The following PNLDC1 variants were observed in gnomAD, a reference collection of about 807,000 sequenced individuals.
The protein encoded by PNLDC1 is poly(A)-specific ribonuclease PNLDC1.
PNLDC1 carries 70 observed loss-of-function variants against 82.0 expected under a neutral mutation model. The observed-to-expected ratio is 0.85, with a 90% CI of 0.70 to 1.04. PNLDC1 has a LOEUF of 1.04. Among genes scored for constraint, PNLDC1 ranks in the 50% least tolerant of loss-of-function variants. The pLI is 0.00. For missense variants in PNLDC1, 631 were observed against 661.1 expected (o/e 0.95, Z 0.50); for synonymous variants, 280 against 249.3 (o/e 1.12, Z -1.16).
chr6:159,808,711 C>G (rs769498816), intron 7 of PNLDC1, 29 bp from the exon 8 acceptor site: 4 of 1,600,530 alleles, frequency 2.5e-6, no homozygotes, highest in Non-Finnish European at 3.4e-6. Context: ...GTTCCAGGTG[C>G]TGTGTGCCCC....
At position 159,815,944 on chromosome 6, in the gene PNLDC1, T is replaced by G. The variant is rs7739963; in HGVS notation, c.996-25T>G. On this transcript the variant is annotated intron_variant, in intron 12 of 18. Transcript: ENST00000392167. ...GGGATTACTTTCAGCAAATTGTTTT[T>G]TATTCTATTTTTCTTTTCCAATAGT... 4 of 1,592,324 alleles carry G rather than the reference T, an allele frequency of 2.5e-6. No homozygotes were observed. In the Admixed American group the frequency reaches 6.7e-5, roughly 27 times the overall value.
rs1294591270 is a variant in PNLDC1 at position 159,816,175 on chromosome 6, TC to T, written c.1060+149del. The stretch of plus-strand genomic sequence containing the variant: ...TCCCCACCCCCCCACACCCCTCCCC[TC>T]CCCCCCACCTCTCCCCCTGCCCCGC... On this transcript the variant is annotated intron_variant, in intron 13 of 18. Transcript: ENST00000392167. 2.7e-3 allele frequency: 468 copies of T among 170,764 alleles called. 11 individuals carry two copies. The highest frequency in any genetic ancestry group is 0.024 in the Middle Eastern group (16 of 656). The allele number at this position is 170,764 out of a possible 1,614,324, so 10.6% of individuals were successfully genotyped here. A position where few individuals can be genotyped will look rare whatever the true frequency, so the allele number is the denominator to read the frequency against.
At chr6:159,816,630 C>CTTTTTTT in intron 14 of PNLDC1, 34 bp downstream of exon 14, 2 of 1,309,216 alleles carry the variant, frequency 1.5e-6, no homozygotes, top group Non-Finnish European at 1.1e-6. Flanking sequence ...AGGAAACTCA[C>CTTTTTTT]TTTTTTTTTT....
At chr6:159,800,123 TA>T (rs745744639), upstream of PNLDC1, 298 of 539,314 alleles carry the variant, frequency 5.5e-4, 2 homozygotes, top group Non-Finnish European at 1.3e-4. Flanking sequence ...ATCGTACAAT[TA>T]AAACACCCGC....
At position 159,819,018 on chromosome 6, in the gene PNLDC1, G is replaced by A; in HGVS notation, c.1330G>A (p.Val444Ile). ...LILSVKRWPG[V>I]SEQQVYHKFQ... ...CCTCAGCGTCAAAAGGTGGCCTGGG[G>A]TCAGCGAGCAGCAAGTCTACCATAA... The change falls in exon 17 of 19, where the codon GTC becomes ATC. Residue 444 changes from valine (V) to isoleucine (I), a missense_variant. Physicochemically the swap from Val to Ile is conservative, Grantham distance 29. Transcript: ENST00000392167. This position sits in a 1 kb window ranked among gnomAD's most constrained non-coding sequence, Gnocchi z 4.6. 6.2e-7 allele frequency: 1 copy of A among 1,614,032 alleles called. No individual in the cohort carries two copies. The highest frequency in any genetic ancestry group is 8.5e-7 in the Non-Finnish European group (1 of 1,180,020).
At chr6:159,799,813 CA>C (rs1781167600), upstream of PNLDC1, among the ~76,000 whole-genome samples, 1 of 152,050 alleles carries the variant, frequency 6.6e-6, no homozygotes, top group South Asian at 2.1e-4. Context: ...AAAAGATGTC[CA>C]GGGGCGTGGG....
intron 3 of PNLDC1, among the ~76,000 whole-genome samples, chr6:159,802,355 G>T (rs1781291204): frequency 6.6e-6 from 1 of 152,164 alleles, no homozygotes; most frequent in South Asian, 2.1e-4. Flanking sequence ...TTGGGCTCTG[G>T]AGATCCTCCA....
intron 16 of PNLDC1, 57 bp from the exon 17 acceptor site, chr6:159,818,889 T>C (rs1224550905): frequency 6.4e-7 from 1 of 1,566,608 alleles, no homozygotes; most frequent in East Asian, 2.2e-5. Context: ...ATCTTCAGAC[T>C]GGATAAGAAG....
At chr6:159,805,052 T>G (rs978575352) in intron 6 of PNLDC1, among the ~76,000 whole-genome samples, 2 of 152,266 alleles carry the variant, frequency 1.3e-5, no homozygotes, top group African/African-American at 4.8e-5. Context: ...CAACCTTGAC[T>G]GTGCCAATCA....
At chr6:159,817,452 C>G (rs1358971351) in intron 15 of PNLDC1, among the ~76,000 whole-genome samples, 1 of 152,230 alleles carries the variant, frequency 6.6e-6, no homozygotes, top group African/African-American at 2.4e-5. Flanking sequence ...CTGTCTCAGT[C>G]CTTCCCAGCC....
At position 159,800,372 on chromosome 6, in the gene PNLDC1, C is replaced by G; in HGVS notation, c.65C>G (p.Ala22Gly). Residue 22 changes from alanine to glycine, a missense_variant, in exon 1 of 19, where the codon GCC becomes GGC. Physicochemically the swap from Ala to Gly is moderately conservative, Grantham distance 60 (BLOSUM62 0). Coordinates refer to ENST00000392167, the MANE Select transcript of PNLDC1 (RefSeq NM_001271862.2). ...LPLLQELVQE[A>G]DFVGLDIEFT... ...CTGCTGCAGGAGCTCGTCCAGGAGG[C>G]CGACTTCGTGGGTGAAGAGCCTGGG... The G allele has an allele frequency of 6.5e-7, 1 of 1,548,012 alleles. No homozygotes were observed. The highest frequency in any genetic ancestry group is 8.7e-7 in the Non-Finnish European group (1 of 1,146,386).
intron 7 of PNLDC1, among the ~76,000 whole-genome samples, chr6:159,806,784 TA>T (rs1234363852): frequency 6.6e-6 from 1 of 152,128 alleles, no homozygotes; most frequent in Admixed American, 6.5e-5. Flanking sequence ...TATAGGTATG[TA>T]AAAAATAAGT....
At chr6:159,802,816 C>T (rs1781311167) in intron 3 of PNLDC1, among the ~76,000 whole-genome samples, 1 of 152,062 alleles carries the variant, frequency 6.6e-6, no homozygotes, top group South Asian at 2.1e-4. Context: ...TTCCTGACCT[C>T]AAGTGATCCA....
At chr6:159,806,175 TC>T (rs1050207457) in intron 7 of PNLDC1, 92 bp downstream of exon 7, 2 of 975,210 alleles carry the variant, frequency 2.1e-6, no homozygotes, top group African/African-American at 3.2e-5. Context: ...TTTCTTGGGA[TC>T]CTGGTCCCAA....
chr6:159,811,051 C>T (rs978556661), intron 10 of PNLDC1, among the ~76,000 whole-genome samples: 1 of 152,182 alleles, frequency 6.6e-6, no homozygotes, highest in Non-Finnish European at 1.5e-5. Context: ...GGGGTCATCA[C>T]CCTCTCAGCC....
At chr6:159,803,588 G>A (rs1221886074) in intron 4 of PNLDC1, among the ~76,000 whole-genome samples, 2 of 152,120 alleles carry the variant, frequency 1.3e-5, no homozygotes, top group Non-Finnish European at 2.9e-5. Flanking sequence ...TAATAAAAGC[G>A]CCTGACACAG....
rs114071699 is a variant in PNLDC1 at position 159,805,849 on chromosome 6, T to G, written c.462-134T>G. The G allele has an allele frequency of 1.7e-3, 1,173 of 675,786 alleles. 9 individuals are homozygous for G. In the African/African-American group the frequency reaches 0.018, roughly 11 times the overall value. The allele number at this position is 675,786 out of a possible 1,614,324, so 41.9% of individuals were successfully genotyped here. A position where few individuals can be genotyped will look rare whatever the true frequency, so the allele number is the denominator to read the frequency against. On this transcript the variant is annotated intron_variant, in intron 6 of 18. Transcript: ENST00000392167. ...TAAGAGCCTCAGAGAAGAAATCGTCTTCTTTTGGTACATTTTCTTTGTATA... is the reference window on the plus strand; with the variant it reads ...TAAGAGCCTCAGAGAAGAAATCGTCGTCTTTTGGTACATTTTCTTTGTATA...
At chr6:159,804,209 T>G in intron 5 of PNLDC1, 121 bp downstream of exon 5, 1 of 1,207,244 alleles carries the variant, frequency 8.3e-7, no homozygotes, top group South Asian at 1.5e-5. Flanking sequence ...CAAGTGATTT[T>G]CCTGCTTCAG....
At chr6:159,811,039 GA>G (rs1266061255) in intron 10 of PNLDC1, among the ~76,000 whole-genome samples, 1 of 152,240 alleles carries the variant, frequency 6.6e-6, no homozygotes, top group African/African-American at 2.4e-5. Context: ...GGTGGAATGA[GA>G]GGGGTCATCA....
Sources: gnomAD v4.1 joint callset for allele counts (sites outside exome capture counted in the v4.1 genomes callset) on GRCh38, gnomAD v4.1.1 for gene constraint, Gnocchi (gnomAD v3.1) non-coding constraint, MANE v1.5 for transcripts, NCBI Gene and HGNC (gene_info 2026-07-23, HGNC 2026-07-21) for gene names.